Variants in BICD1 observed in about 807,000 individuals in gnomAD.
BICD1 encodes BICD cargo adaptor 1, also known as protein bicaudal D homolog 1.
In BICD1, 35 loss-of-function variants were observed where a neutral mutation model predicts 92.5. That is an observed-to-expected ratio of 0.38 (90% CI 0.29 to 0.50). The LOEUF is 0.50. Ranked by LOEUF, BICD1 falls within the 20% of genes least tolerant of loss-of-function variation. BICD1 has a pLI of 0.93. For synonymous variants in BICD1, 429 were observed against 465.1 expected, an observed-to-expected ratio of 0.92 and a Z score of 1.00; for missense variants, 950 against 1,189.8, an observed-to-expected ratio of 0.80 and a Z score of 2.97.
chr12:32,309,504 A>G (rs954890012), intron 4 of BICD1, among the ~76,000 whole-genome samples: 11 of 152,250 alleles, frequency 7.2e-5, no homozygotes, highest in Non-Finnish European at 1.6e-4. Context: ...GCAGTGAAAC[A>G]TGAGTATTCA....
Position 32,134,650 on chromosome 12 carries a change from C to A in BICD1, c.213+27106C>A, listed in dbSNP as rs534812919. On this transcript the variant is annotated intron_variant, in intron 1 of 9. Transcript: ENST00000652176. The stretch of plus-strand genomic sequence containing the variant: ...GTCAGGTGTTTTCAGCACCGCGACT[C>A]TGTCATTGTGTGCCTCTCTCCTTAA... Among the ~76,000 whole-genome samples the A allele has an allele frequency of 2.0e-5, 3 of 152,310 alleles. No homozygotes were observed. The South Asian group carries it at 6.2e-4, about 32-fold the overall frequency.
chr12:32,235,513 G>A (rs1946037699), intron 2 of BICD1, among the ~76,000 whole-genome samples: 1 of 151,378 alleles, frequency 6.6e-6, no homozygotes, highest in Admixed American at 6.6e-5. Flanking sequence ...CAGGCATACT[G>A]TGTCTTACTG....
At chr12:32,210,725 A>G (rs1945191367) in intron 1 of BICD1, among the ~76,000 whole-genome samples, 1 of 152,240 alleles carries the variant, frequency 6.6e-6, no homozygotes, top group African/African-American at 2.4e-5. Flanking sequence ...CTTATTTTAA[A>G]CAAAAATTAC....
intron 8 of BICD1, among the ~76,000 whole-genome samples, chr12:32,366,163 G>A (rs941259326): frequency 1.3e-5 from 2 of 152,078 alleles, no homozygotes; most frequent in South Asian, 2.1e-4. Context: ...CAGTTTTTTC[G>A]AATTTTAAAT....
At chr12:32,310,370 C>T (rs1948340753) in intron 4 of BICD1, among the ~76,000 whole-genome samples, 1 of 152,144 alleles carries the variant, frequency 6.6e-6, no homozygotes, top group Non-Finnish European at 1.5e-5. Context: ...GAGAGGCAAT[C>T]GGTCAAATCC....
intron 1 of BICD1, among the ~76,000 whole-genome samples, chr12:32,158,966 C>T (rs1316223276): frequency 6.6e-6 from 1 of 152,068 alleles, no homozygotes; most frequent in Non-Finnish European, 1.5e-5. Context: ...TGGAGTCTCG[C>T]TCTGTCGCCC....
chr12:32,290,809 A>G (rs1375318531), intron 2 of BICD1, among the ~76,000 whole-genome samples: 1 of 152,136 alleles, frequency 6.6e-6, no homozygotes, highest in Middle Eastern at 3.2e-3. Context: ...GTTCTTGGCT[A>G]TAAATCTTCA....
chr12:32,235,065 T>C (rs185896180), intron 2 of BICD1, among the ~76,000 whole-genome samples: 244 of 152,274 alleles, frequency 1.6e-3, no homozygotes, highest in African/African-American at 5.7e-3. Flanking sequence ...ATATAAAAAT[T>C]TGTTTCCTGA....
chr12:32,149,959 G>C (rs1943239966), intron 1 of BICD1, among the ~76,000 whole-genome samples: 1 of 152,192 alleles, frequency 6.6e-6, no homozygotes, highest in Non-Finnish European at 1.5e-5. Context: ...TAATGGACTT[G>C]CAGTTCCAGG....
At chr12:32,157,881 C>T (rs972570446) in intron 1 of BICD1, among the ~76,000 whole-genome samples, 6 of 152,064 alleles carry the variant, frequency 3.9e-5, no homozygotes, top group African/African-American at 1.5e-4. Flanking sequence ...AATTTGACTG[C>T]CTGTTTAGGT....
intron 2 of BICD1, among the ~76,000 whole-genome samples, chr12:32,232,803 A>T (rs1945931633): frequency 6.6e-6 from 1 of 152,160 alleles, no homozygotes; most frequent in Non-Finnish European, 1.5e-5. Context: ...AGCTTTCTAC[A>T]TATGGCTAGC....
chr12:32,294,620 TAA>T lies in BICD1; in HGVS notation c.579+498_579+499del, dbSNP rs60052535. On this transcript the variant is annotated intron_variant, in intron 3 of 9. Coordinates refer to ENST00000652176, the MANE Select transcript of BICD1 (RefSeq NM_001714.4). The stretch of plus-strand genomic sequence containing the variant: ...TTGGTGACAGAGTGAGACTCCGTCT[TAA>T]AAAAAAAAAAAAAAAAAAAAAAAGC... 1.0e-3 allele frequency among the ~76,000 whole-genome samples: 67 copies of T among 65,620 alleles called. 1 individual carries two copies. The highest frequency in any genetic ancestry group is 3.7e-3 in the Admixed American group (20 of 5,472). The allele number at this position is 65,620 out of a possible 152,430, so 43.0% of individuals were successfully genotyped here.
intron 9 of BICD1, among the ~76,000 whole-genome samples, chr12:32,370,256 T>C (rs1809599): frequency 0.57 from 86,117 of 151,450 alleles, 25,041 homozygotes; most frequent in East Asian, 0.74. Flanking sequence ...AATCTCAGGT[T>C]CTCGGGAGGC....
intron 1 of BICD1, among the ~76,000 whole-genome samples, chr12:32,159,711 C>T (rs1482775635): frequency 6.6e-6 from 1 of 152,160 alleles, no homozygotes; most frequent in Non-Finnish European, 1.5e-5. Flanking sequence ...TGTCCCCAAG[C>T]CAGAGTCATC....
At chr12:32,351,859 A>G (rs1172300780) in intron 8 of BICD1, among the ~76,000 whole-genome samples, 1 of 150,818 alleles carries the variant, frequency 6.6e-6, no homozygotes, top group Non-Finnish European at 1.5e-5. Context: ...CAGTGAGCCA[A>G]GATGGCGCCA....
intron 2 of BICD1, among the ~76,000 whole-genome samples, chr12:32,232,607 T>C (rs1945925657): frequency 6.6e-6 from 1 of 151,516 alleles, no homozygotes; most frequent in Non-Finnish European, 1.5e-5. Context: ...ATCCCATTTG[T>C]CAATTTTGTC....
chr12:32,156,556 C>T (rs1357583269), intron 1 of BICD1, among the ~76,000 whole-genome samples: 1 of 152,178 alleles, frequency 6.6e-6, no homozygotes, highest in African/African-American at 2.4e-5. Context: ...GGGAGATCAC[C>T]GTGAACAGCA....
At chr12:32,252,074 A>ATAAATAT (rs1565619317) in intron 2 of BICD1, among the ~76,000 whole-genome samples, 1 of 34,424 alleles carries the variant, frequency 2.9e-5, no homozygotes, top group African/African-American at 1.6e-4. Context: ...TATATTTATA[A>ATAAATAT]TATATATTTA....
intron 1 of BICD1, among the ~76,000 whole-genome samples, chr12:32,162,573 C>G (rs575464319): frequency 1.3e-5 from 2 of 152,278 alleles, no homozygotes; most frequent in African/African-American, 2.4e-5. Context: ...TACGATATGC[C>G]TAGCAGAGTG....
Sources: gnomAD v4.1 joint callset for allele counts (sites outside exome capture counted in the v4.1 genomes callset) on GRCh38, gnomAD v4.1.1 for gene constraint, MANE v1.5 for transcripts, NCBI Gene and HGNC (gene_info 2026-07-23, HGNC 2026-07-21) for gene names.